Variants in LINGO1 observed in about 807,000 individuals in gnomAD.
The protein encoded by LINGO1 is leucine-rich repeat and immunoglobulin-like domain-containing nogo receptor-interacting protein 1.
Under a neutral mutation model 37.3 loss-of-function variants are expected in LINGO1, and 11 were observed. The observed-to-expected ratio is 0.29, with a 90% CI of 0.19 to 0.49. LINGO1 has a LOEUF of 0.49. Ranked by LOEUF, LINGO1 falls within the 20% of genes least tolerant of loss-of-function variation. LINGO1 has a pLI of 0.99. For synonymous variants in LINGO1, 387 were observed against 403.0 expected (o/e 0.96, Z 0.48); for missense variants, 585 against 878.2 (o/e 0.67, Z 4.22).
intron 1 of LINGO1, among the ~76,000 whole-genome samples, chr15:77,758,300 C>A (rs1467722458): frequency 6.6e-6 from 1 of 152,218 alleles, no homozygotes; most frequent in Non-Finnish European, 1.5e-5. Context: ...GAGCACTGGA[C>A]TGGAGGTTGA....
chr15:77,646,306 G>A (rs556884298), intron 3 of LINGO1: 5 of 354,294 alleles, frequency 1.4e-5, no homozygotes, highest in African/African-American at 2.2e-5. Flanking sequence ...AGCAGTGGGC[G>A]GGGAACCCGG....
At chr15:77,749,311 A>G (rs916474900) in intron 1 of LINGO1, among the ~76,000 whole-genome samples, 2 of 152,012 alleles carry the variant, frequency 1.3e-5, no homozygotes, top group African/African-American at 4.8e-5. Flanking sequence ...CAGCCTGGCC[A>G]CAGGAAGCAC....
At chr15:77,750,561 T>G (rs969260480) in intron 1 of LINGO1, among the ~76,000 whole-genome samples, 3 of 152,092 alleles carry the variant, frequency 2.0e-5, no homozygotes, top group Admixed American at 6.5e-5. Flanking sequence ...TCCCTGTCTA[T>G]CTCTCCCACC....
intron 1 of LINGO1, chr15:77,819,636 G>C (rs1478381356): frequency 1.3e-5 from 2 of 151,136 alleles, no homozygotes; most frequent in African/African-American, 4.9e-5. Context: ...CGCCCTCCTG[G>C]AGCGCTCACA....
upstream of LINGO1, among the ~76,000 whole-genome samples, chr15:77,633,153 G>A (rs1205982222): frequency 6.6e-6 from 1 of 151,936 alleles, no homozygotes; most frequent in African/African-American, 2.4e-5. Flanking sequence ...CCAGCCAGGC[G>A]CTCCAGCTCT....
chr15:77,641,076 C>T (rs779441265), intron 3 of LINGO1, among the ~76,000 whole-genome samples: 9 of 152,162 alleles, frequency 5.9e-5, no homozygotes, highest in Non-Finnish European at 1.2e-4. Flanking sequence ...AAGGTAGAGG[C>T]TGGTGCTCCA....
Position 77,685,018 on chromosome 15 carries a change from G to C in LINGO1, c.-99+5702C>G, listed in dbSNP as rs113661594. ...TGGGCCCAGCCTAGAAGGATGGGGG[G>C]TGTGGACAGATAGAGTTGGGGGAGG... On this transcript the variant is annotated intron_variant, in intron 2 of 3. Coordinates refer to the LINGO1 transcript ENST00000559893. Among the ~76,000 whole-genome samples, 157 of 150,966 alleles carry C rather than the reference G, an allele frequency of 1.0e-3. 2 individuals carry two copies. The highest frequency in any genetic ancestry group is 3.6e-3 in the African/African-American group (149 of 41,030).
Position 77,704,170 on chromosome 15 carries a change from C to T in LINGO1, c.-194-13269G>A, listed in dbSNP as rs775121606. Among the ~76,000 whole-genome samples, 168 of 152,278 alleles carry T rather than the reference C, an allele frequency of 1.1e-3. 1 individual carries two copies. Among genetic ancestry groups the T allele is most frequent in the African/African-American group, 3.4e-3 (141 of 41,568 alleles). ...AGTTCTGAAGGATCTGCAGAAGCTA[C>T]GACCATTCAAGCTTCTGCTCATCAG... On this transcript the variant is annotated intron_variant, in intron 2 of 3. Coordinates refer to the LINGO1 transcript ENST00000561686.
upstream of LINGO1, among the ~76,000 whole-genome samples, chr15:77,789,493 G>A (rs2076801828): frequency 1.3e-5 from 2 of 152,172 alleles, no homozygotes; most frequent in South Asian, 4.1e-4. Flanking sequence ...GGTAGTCCCA[G>A]CTATGCAGGA....
At chr15:77,686,792 T>C (rs761206800) in intron 2 of LINGO1, among the ~76,000 whole-genome samples, 5 of 152,308 alleles carry the variant, frequency 3.3e-5, no homozygotes, top group South Asian at 2.1e-4. Context: ...ACACTCTGAA[T>C]ACAGAGCCAT....
intron 2 of LINGO1, among the ~76,000 whole-genome samples, chr15:77,703,171 T>G (rs142151261): frequency 7.9e-5 from 12 of 152,318 alleles, no homozygotes; most frequent in Middle Eastern, 3.4e-3. Flanking sequence ...AGCAGGGGCC[T>G]CCTTCCAACT....
At chr15:77,728,049 C>A (rs1208333856) in intron 2 of LINGO1, among the ~76,000 whole-genome samples, 3 of 152,160 alleles carry the variant, frequency 2.0e-5, no homozygotes, top group African/African-American at 7.2e-5. Flanking sequence ...AGGAGGAGTC[C>A]CCTCTTACCA....
At chr15:77,623,064 G>T (rs1023285855) in intron 1 of LINGO1, among the ~76,000 whole-genome samples, 2 of 152,172 alleles carry the variant, frequency 1.3e-5, no homozygotes, top group South Asian at 4.1e-4. Flanking sequence ...GCCTGCAGAC[G>T]CACCCACATC....
At chr15:77,623,439 GA>G (rs1354187864) in intron 1 of LINGO1, among the ~76,000 whole-genome samples, 10 of 152,334 alleles carry the variant, frequency 6.6e-5, no homozygotes, top group Non-Finnish European at 1.3e-4. Context: ...GCTGAGGTGT[GA>G]ATGGCTGATA....
At chr15:77,727,407 C>T (rs1307344957) in intron 2 of LINGO1, among the ~76,000 whole-genome samples, 1 of 152,112 alleles carries the variant, frequency 6.6e-6, no homozygotes, top group Non-Finnish European at 1.5e-5. Flanking sequence ...ATTTTTCAGC[C>T]TTAAAAAAGG....
At chr15:77,670,470 C>G (rs1315962194) in intron 3 of LINGO1, among the ~76,000 whole-genome samples, 2 of 152,238 alleles carry the variant, frequency 1.3e-5, no homozygotes, top group Non-Finnish European at 2.9e-5. Flanking sequence ...GTTTCCCTCA[C>G]AAGAGTGGAA....
chr15:77,712,163 G>GCCTGCT (rs2075925932), intron 2 of LINGO1, among the ~76,000 whole-genome samples: 1 of 151,888 alleles, frequency 6.6e-6, no homozygotes. Context: ...TGCCCCTACT[G>GCCTGCT]CCTGCTTCCA....
rs746550752 is a variant in LINGO1 at position 77,614,563 on chromosome 15, G to C, written c.1344C>G (p.Ala448=). 1 of 1,610,256 alleles carries C rather than the reference G, an allele frequency of 6.2e-7. No homozygotes were observed. Among genetic ancestry groups the C allele is most frequent in the Admixed American group, 1.7e-5 (1 of 59,786 alleles). The stretch of plus-strand genomic sequence containing the variant: ...GGATGGCGGGCGGCGGGTCGCCATC[G>C]GCCCGGCACACAAACTGCACCGTGT... ...EGHTVQFVCR[A]DGDPPPAILW... is the part of the protein sequence containing the mutation. Residue 448 remains alanine (A), a synonymous_variant, in exon 2 of 2, where the codon GCC becomes GCG. Transcript: ENST00000355300.
At position 77,632,666 on chromosome 15, in the gene LINGO1, G is replaced by A. The variant is rs1217266846; in HGVS notation, c.-351C>T. ...CGCCGCCGCCTCTGCCGCTGGGGCC[G>A]GGGTCGAGGCCGGGCGCGCTCCGCC... is the stretch of plus-strand genomic sequence containing the variant. On this transcript the variant is annotated 5_prime_UTR_variant, in exon 1 of 2. Transcript: ENST00000355300. This position sits in a 1 kb window ranked among gnomAD's most constrained non-coding sequence, Gnocchi z 6.0. Among the ~76,000 whole-genome samples, 1 of 145,806 alleles carries A rather than the reference G, an allele frequency of 6.9e-6. No homozygotes were observed. The highest frequency in any genetic ancestry group is 2.5e-5 in the African/African-American group (1 of 40,700).
Sources: allele counts gnomAD v4.1 joint callset (sites outside exome capture counted in the v4.1 genomes callset), GRCh38; gene constraint gnomAD v4.1.1; non-coding constraint Gnocchi (gnomAD v3.1); transcripts MANE v1.5; gene names NCBI Gene and HGNC (gene_info 2026-07-23, HGNC 2026-07-21).